The following MGAM2 variants were observed in gnomAD, a reference collection of about 807,000 sequenced individuals.
MGAM2 encodes the protein probable maltase-glucoamylase 2.
A neutral mutation model predicts 96.1 loss-of-function variants in MGAM2; 98 were observed. The observed-to-expected ratio is 1.02, with a 90% confidence interval of 0.87 to 1.21. MGAM2 has a LOEUF of 1.21. Ranked by LOEUF, MGAM2 falls within the 50% of genes most tolerant of loss-of-function variation. MGAM2 has a pLI of 0.00. For missense variants in MGAM2, 2,055 were observed against 1,182.4 expected, an observed-to-expected ratio of 1.74 and a Z score of -10.82; for synonymous variants, 749 against 414.8, an observed-to-expected ratio of 1.81 and a Z score of -9.79.
At chr7:142,180,282 A>G (rs1254441144) in intron 32 of MGAM2, among the ~76,000 whole-genome samples, 1 of 151,988 alleles carries the variant, frequency 6.6e-6, no homozygotes, top group East Asian at 1.9e-4. Flanking sequence ...AATCTTGTTT[A>G]TCCTTTCAAA....
At chr7:142,196,071 C>T (rs1797023771) in intron 37 of MGAM2, 83 bp from the exon 38 acceptor site, 2 of 715,836 alleles carry the variant, frequency 2.8e-6, no homozygotes, top group Non-Finnish European at 5.0e-6. Context: ...GAAGTACCCT[C>T]ACCCTCTCAT....
intron 7 of MGAM2, among the ~76,000 whole-genome samples, chr7:142,136,239 C>T (rs1028664689): frequency 1.3e-5 from 2 of 152,128 alleles, no homozygotes; most frequent in African/African-American, 4.8e-5. Context: ...TGAAATCATA[C>T]AATATATGGT....
chr7:142,140,653 T>C, intron 10 of MGAM2, 149 bp from the exon 11 acceptor site: 1 of 538,852 alleles, frequency 1.9e-6, no homozygotes, highest in Non-Finnish European at 3.3e-6. Flanking sequence ...AGATAGCTTA[T>C]TTTCTCCTAA....
chr7:142,142,524 GTTTTTT>G (rs746342532), intron 12 of MGAM2, among the ~76,000 whole-genome samples: 2 of 78,890 alleles, frequency 2.5e-5, no homozygotes, highest in African/African-American at 9.9e-5. Flanking sequence ...AGTGGTGTGT[GTTTTTT>G]TTTTTTTTTT....
chr7:142,132,719 A>G (rs1563251842), intron 6 of MGAM2, among the ~76,000 whole-genome samples: 1 of 126,154 alleles, frequency 7.9e-6, no homozygotes, highest in Non-Finnish European at 1.5e-5. Flanking sequence ...ATTAATATTA[A>G]TAATATTAAT....
intron 45 of MGAM2, among the ~76,000 whole-genome samples, chr7:142,201,071 C>T (rs377161150): frequency 3.6e-4 from 30 of 84,300 alleles, no homozygotes; most frequent in African/African-American, 5.8e-4. Context: ...CATCCTTTTT[C>T]TTTTTTTTTT....
At chr7:142,175,961 TGAAA>T (rs1037826478) in intron 32 of MGAM2, among the ~76,000 whole-genome samples, 181 bp downstream of exon 32, 8 of 152,018 alleles carry the variant, frequency 5.3e-5, no homozygotes, top group Admixed American at 5.2e-4. Context: ...TAAAAGCAAA[TGAAA>T]GAAAGAAATG....
rs148123832 is a variant in MGAM2 at position 142,179,036 on chromosome 7, G to A, written c.3816+3256G>A. On this transcript the variant is annotated intron_variant, in intron 32 of 47. Transcript: ENST00000477922. The stretch of plus-strand genomic sequence containing the variant: ...ATCCTTTCTGTTGTTGTCGTAAATG[G>A]GATTGCATTCCTGATGAACTATAAA... 3.8e-4 allele frequency among the ~76,000 whole-genome samples: 57 copies of A among 151,972 alleles called. 1 individual carries two copies. In the East Asian group the frequency reaches 0.01, roughly 28 times the overall value.
In MGAM2 at chr7:142,172,099, A is replaced by T; in HGVS notation, c.3353A>T (p.Tyr1118Phe). 1.4e-6 allele frequency: 1 copy of T among 726,222 alleles called. No homozygotes were observed. Among genetic ancestry groups the T allele is most frequent in the Non-Finnish European group, 2.5e-6 (1 of 397,110 alleles). The allele number at this position is 726,222 out of a possible 1,614,324, so 45.0% of individuals were successfully genotyped here. Residue 1118 changes from tyrosine to phenylalanine, a missense_variant and splice_region_variant, in exon 29 of 48, where the codon TAC becomes TTC. By Grantham distance (22) the Tyr-to-Phe change is conservative (BLOSUM62 3). Transcript: ENST00000477922. Reference sequence around the variant, plus strand: ...GTTTATTACCCTCGTGACTCCCAGTACAAGAAGAATTCCTATGGTGTCCAC... The same window carrying T: ...GTTTATTACCCTCGTGACTCCCAGTTCAAGAAGAATTCCTATGGTGTCCAC... ...GMFAHDEPPA[Y>F]KKNSYGVHPY...
chr7:142,167,029 G>A (rs987136460), intron 25 of MGAM2, among the ~76,000 whole-genome samples: 15 of 152,078 alleles, frequency 9.9e-5, no homozygotes, highest in South Asian at 2.1e-4. Context: ...CAGTAATACC[G>A]GATCAAGGCC....
chr7:142,144,975 G>A, intron 14 of MGAM2, 30 bp downstream of exon 14: 1 of 701,704 alleles, frequency 1.4e-6, no homozygotes. Flanking sequence ...CTATGACGTA[G>A]GAATAAGCCA....
intron 3 of MGAM2, 30 bp from the exon 4 acceptor site, chr7:142,130,918 T>C (rs1298437550): frequency 1.4e-6 from 1 of 701,218 alleles, no homozygotes; most frequent in Non-Finnish European, 2.6e-6. Flanking sequence ...CCTCAGTTTA[T>C]ATACTGCTAA....
At chr7:142,177,748 A>G (rs142300633) in intron 32 of MGAM2, among the ~76,000 whole-genome samples, 1 of 152,160 alleles carries the variant, frequency 6.6e-6, no homozygotes, top group African/African-American at 2.4e-5. Context: ...TATGTACCAT[A>G]TTTTCTTTAT....
intron 46 of MGAM2, among the ~76,000 whole-genome samples, chr7:142,216,254 T>C (rs1393301144): frequency 6.6e-6 from 1 of 152,204 alleles, no homozygotes; most frequent in African/African-American, 2.4e-5. Flanking sequence ...TCAAATATTA[T>C]TTTAATGAAT....
intron 24 of MGAM2, among the ~76,000 whole-genome samples, chr7:142,165,456 T>A (rs2129088011): frequency 1.3e-5 from 2 of 152,300 alleles, no homozygotes; most frequent in Middle Eastern, 6.8e-3. Context: ...CAAGGAGAAA[T>A]CCAGTTTTGC....
At chr7:142,212,390 T>C (rs1050668790) in intron 46 of MGAM2, among the ~76,000 whole-genome samples, 27 of 152,162 alleles carry the variant, frequency 1.8e-4, no homozygotes, top group Admixed American at 1.8e-3. Context: ...AATGCTCTGA[T>C]TAAAAGGCAC....
intron 31 of MGAM2, among the ~76,000 whole-genome samples, chr7:142,174,016 C>T (rs548760455): frequency 6.6e-6 from 1 of 152,208 alleles, no homozygotes; most frequent in East Asian, 1.9e-4. Flanking sequence ...TCTGGGTTCT[C>T]TATTATTTGC....
At chr7:142,168,619 G>A (rs1002478702) in intron 26 of MGAM2, among the ~76,000 whole-genome samples, 2 of 151,874 alleles carry the variant, frequency 1.3e-5, no homozygotes, top group Non-Finnish European at 2.9e-5. Flanking sequence ...GATGCTGCAG[G>A]TCAAGAGACC....
intron 37 of MGAM2, among the ~76,000 whole-genome samples, chr7:142,195,224 G>A (rs1281630624): frequency 1.3e-5 from 2 of 151,868 alleles, no homozygotes; most frequent in Non-Finnish European, 2.9e-5. Flanking sequence ...TGTAGAGACA[G>A]GGTCTCAATG....
Sources: allele counts gnomAD v4.1 joint callset (sites outside exome capture counted in the v4.1 genomes callset), GRCh38; gene constraint gnomAD v4.1.1; transcripts MANE v1.5; gene names NCBI Gene and HGNC (gene_info 2026-07-23, HGNC 2026-07-21).